The following NUDT3 variants were observed in gnomAD, a reference collection of about 807,000 sequenced individuals.
NUDT3 encodes nudix hydrolase 3, also known as diphosphoinositol polyphosphate phosphohydrolase 1.
In NUDT3, 9 loss-of-function variants were observed where a neutral mutation model predicts 23.6. That is an observed-to-expected ratio of 0.38 (90% confidence interval 0.23 to 0.66). The LOEUF (loss-of-function observed/expected upper bound fraction) is 0.66, where lower values mean the gene tolerates loss of function less well. Ranked by LOEUF, NUDT3 falls within the 30% of genes least tolerant of loss-of-function variation. The pLI is 0.52. For synonymous variants in NUDT3, 86 were observed against 82.6 expected, an observed-to-expected ratio of 1.04 and a Z score of -0.22; for missense variants, 172 against 218.5, an observed-to-expected ratio of 0.79 and a Z score of 1.34.
At chr6:34,345,301 C>T (rs1250704048) in intron 1 of NUDT3, among the ~76,000 whole-genome samples, 2 of 151,950 alleles carry the variant, frequency 1.3e-5, no homozygotes, top group Non-Finnish European at 2.9e-5. Flanking sequence ...CCACCTGCCT[C>T]GGCCTCTCAA....
At chr6:34,319,518 C>T (rs911640875) in intron 2 of NUDT3, among the ~76,000 whole-genome samples, 7 of 152,200 alleles carry the variant, frequency 4.6e-5, no homozygotes, top group Non-Finnish European at 8.8e-5. Flanking sequence ...GCTTCCATGG[C>T]TTCCCTGGGT....
chr6:34,377,336 A>G (rs1344814410), intron 1 of NUDT3, among the ~76,000 whole-genome samples: 2 of 152,116 alleles, frequency 1.3e-5, no homozygotes, highest in African/African-American at 4.8e-5. Flanking sequence ...CAAAAAGTGA[A>G]GCCTCAATAA....
At chr6:34,382,138 C>T (rs190946878) in intron 1 of NUDT3, among the ~76,000 whole-genome samples, 4 of 148,042 alleles carry the variant, frequency 2.7e-5, no homozygotes, top group East Asian at 4.0e-4. Flanking sequence ...GGCTCGTGCA[C>T]GTAATCCCAA....
intron 1 of NUDT3, among the ~76,000 whole-genome samples, chr6:34,351,216 A>AAAAAC (rs1764467255): frequency 7.6e-6 from 1 of 130,732 alleles, no homozygotes; most frequent in African/African-American, 3.4e-5. Context: ...AAAAAAAAAA[A>AAAAAC]AAAAAAAAAA....
chr6:34,364,247 T>C (rs1263764265), intron 1 of NUDT3, among the ~76,000 whole-genome samples: 1 of 152,224 alleles, frequency 6.6e-6, no homozygotes, highest in East Asian at 1.9e-4. Context: ...AGGAAACATT[T>C]AACAGCTGAC....
intron 1 of NUDT3, among the ~76,000 whole-genome samples, chr6:34,354,706 G>A (rs955815719): frequency 6.8e-6 from 1 of 146,042 alleles, no homozygotes; most frequent in African/African-American, 2.6e-5. Context: ...CTGGGCGACA[G>A]AGCAAGACTC....
chr6:34,329,984 C>A (rs1764103493), intron 2 of NUDT3, among the ~76,000 whole-genome samples: 1 of 152,116 alleles, frequency 6.6e-6, no homozygotes, highest in African/African-American at 2.4e-5. Context: ...TGAACTCATC[C>A]TTTTTTATGG....
chr6:34,357,357 C>T (rs1764578695), intron 1 of NUDT3, among the ~76,000 whole-genome samples: 1 of 151,266 alleles, frequency 6.6e-6, no homozygotes, highest in Non-Finnish European at 1.5e-5. Context: ...GTGCCTCATG[C>T]CTGTAATCCT....
In NUDT3 at chr6:34,335,823, C is replaced by T. The variant is rs371641463; in HGVS notation, c.210+6039G>A. 8.6e-5 allele frequency among the ~76,000 whole-genome samples: 13 copies of T among 151,196 alleles called. No homozygotes were observed. In the East Asian group the frequency reaches 1.4e-3, roughly 16 times the overall value. On this transcript the variant is annotated intron_variant, in intron 2 of 4. Coordinates refer to ENST00000607016, the MANE Select transcript of NUDT3 (RefSeq NM_006703.4). ...GGCTGGTCTTAAACTCCTGGGCTCA[C>T]GTGATCCTCCTGCCTCAGCCTCCCC...
At chr6:34,316,778 AAG>A (rs1165079292) in intron 2 of NUDT3, among the ~76,000 whole-genome samples, 1 of 152,160 alleles carries the variant, frequency 6.6e-6, no homozygotes, top group Non-Finnish European at 1.5e-5. Context: ...CACAGTGAGA[AAG>A]AGAGGGGAGT....
chr6:34,351,198 T>TAAAAAAAGAAAAAAAAAAAAAAAAAAAAA (rs1764462934), intron 1 of NUDT3, among the ~76,000 whole-genome samples: 1 of 17,894 alleles, frequency 5.6e-5, no homozygotes, highest in Non-Finnish European at 1.1e-4. Flanking sequence ...CTCCCCTGCC[T>TAAAAAAAGAAAAAAAAAAAAAAAAAAAAA]AAAAAAAAAA....
At chr6:34,319,109 T>G (rs958766580) in intron 2 of NUDT3, among the ~76,000 whole-genome samples, 2 of 152,042 alleles carry the variant, frequency 1.3e-5, no homozygotes, top group African/African-American at 4.8e-5. Context: ...ACCATGTTTT[T>G]TCTGTGCTCT....
intron 2 of NUDT3, among the ~76,000 whole-genome samples, chr6:34,297,731 ATATAT>A (rs374551344): frequency 0.011 from 293 of 26,526 alleles, 4 homozygotes; most frequent in African/African-American, 0.054. Flanking sequence ...AAAAAAAAAA[ATATAT>A]ATATATATAT....
At chr6:34,323,142 T>C (rs1436374964) in intron 2 of NUDT3, among the ~76,000 whole-genome samples, 1 of 152,130 alleles carries the variant, frequency 6.6e-6, no homozygotes, top group African/African-American at 2.4e-5. Context: ...TCAGGTATTA[T>C]GTTTGCTATT....
rs532933266 is a variant in NUDT3, at chr6:34,303,128, C to T, written c.211-7443G>A. ...CTTACTGCAGCCTTGACCTGCTGGG[C>T]TCAAGTGATCCTCCCTCCTCGGCCT... On this transcript the variant is annotated intron_variant, in intron 2 of 4. Coordinates refer to ENST00000607016, the MANE Select transcript of NUDT3 (RefSeq NM_006703.4). Among the ~76,000 whole-genome samples, 4 of 151,022 alleles carry T rather than the reference C, an allele frequency of 2.6e-5. No individual in the cohort carries two copies. In the East Asian group the frequency reaches 7.8e-4, roughly 29 times the overall value.
chr6:34,357,392 C>G (rs960482714), intron 1 of NUDT3, among the ~76,000 whole-genome samples: 7 of 151,660 alleles, frequency 4.6e-5, no homozygotes, highest in African/African-American at 1.7e-4. Flanking sequence ...CCAGGTGGAC[C>G]GCTTGAGCCC....
intron 1 of NUDT3, among the ~76,000 whole-genome samples, chr6:34,350,332 C>T (rs765100378): frequency 6.6e-5 from 10 of 150,698 alleles, no homozygotes; most frequent in Non-Finnish European, 1.5e-4. Context: ...GGCACCAGGA[C>T]CAGATCCTAT....
At chr6:34,300,656 G>A (rs577892527) in intron 2 of NUDT3, among the ~76,000 whole-genome samples, 2 of 152,348 alleles carry the variant, frequency 1.3e-5, no homozygotes, top group Admixed American at 1.3e-4. Flanking sequence ...AAGAAATCTA[G>A]TAAGAAGCTG....
chr6:34,369,260 A>G (rs939778027), intron 1 of NUDT3, among the ~76,000 whole-genome samples: 37 of 152,286 alleles, frequency 2.4e-4, no homozygotes, highest in African/African-American at 8.2e-4. Context: ...CTCCATCTTG[A>G]CTTTTTATTT....
Sources: gnomAD v4.1 joint callset for allele counts (sites outside exome capture counted in the v4.1 genomes callset) on GRCh38, gnomAD v4.1.1 for gene constraint, MANE v1.5 for transcripts, NCBI Gene and HGNC (gene_info 2026-07-23, HGNC 2026-07-21) for gene names.